The following ITM2C variants were observed in gnomAD, a reference collection of about 807,000 sequenced individuals.
ITM2C encodes the protein BRICHOS domain containing 2C.
In ITM2C, 20 loss-of-function variants were observed where a neutral mutation model predicts 30.0. The ratio of observed to expected loss-of-function variants is 0.67; its 90% CI spans 0.47 to 0.97. The LOEUF is 0.97. ITM2C is among the 50% of genes least tolerant of loss of function. The probability of loss-of-function intolerance (pLI) is 0.00; values close to 1 mark genes in which losing one functional copy is unlikely to be tolerated. For missense variants in ITM2C, 366 were observed against 371.9 expected, an observed-to-expected ratio of 0.98 and a Z score of 0.13; for synonymous variants, 167 against 156.4, an observed-to-expected ratio of 1.07 and a Z score of -0.51.
chr2:230,870,554 TCA>T (rs1189584360), intron 1 of ITM2C, among the ~76,000 whole-genome samples: 1 of 152,164 alleles, frequency 6.6e-6, no homozygotes, highest in African/African-American at 2.4e-5. Context: ...TCCCCAGCCT[TCA>T]CAGTGAGGGG....
At chr2:230,866,649 A>T (rs532925674) in intron 1 of ITM2C, among the ~76,000 whole-genome samples, 5 of 152,254 alleles carry the variant, frequency 3.3e-5, no homozygotes, top group Admixed American at 2.0e-4. Context: ...ATATTTGAAG[A>T]AGATGGTTCT....
In ITM2C at chr2:230,878,201, G is replaced by T; in HGVS notation, c.*102G>T. 3.9e-6 allele frequency: 3 copies of T among 768,112 alleles called. No individual in the cohort carries two copies. The highest frequency in any genetic ancestry group is 4.1e-6 in the Non-Finnish European group (2 of 492,006). 47.6% of individuals were successfully genotyped at this position (768,112 alleles called of 1,614,324 possible). ...CCTGCTTAGCTTGTACTTTGGACGCGTTTCTATAGAGGTGACATGTCTCTC... is the reference window on the plus strand; with the variant it reads ...CCTGCTTAGCTTGTACTTTGGACGCTTTTCTATAGAGGTGACATGTCTCTC... On this transcript the variant is annotated 3_prime_UTR_variant, in exon 6 of 6. Coordinates refer to ENST00000326427, the MANE Select transcript of ITM2C (RefSeq NM_030926.6). This position sits in a 1 kb window ranked among gnomAD's most constrained non-coding sequence, Gnocchi z 4.5.
chr2:230,868,952 G>T (rs1164742683), intron 1 of ITM2C, among the ~76,000 whole-genome samples: 1 of 152,240 alleles, frequency 6.6e-6, no homozygotes, highest in Non-Finnish European at 1.5e-5. Flanking sequence ...TGGCTTCTCT[G>T]CTTTCCTGCC....
chr2:230,875,906 C>A, intron 3 of ITM2C, 98 bp downstream of exon 3: 3 of 999,002 alleles, frequency 3.0e-6, no homozygotes, highest in African/African-American at 1.6e-5. Context: ...CGGAGTACAG[C>A]AGGTGTCTAC....
chr2:230,866,021 G>C (rs536061662), intron 1 of ITM2C, among the ~76,000 whole-genome samples: 95 of 145,654 alleles, frequency 6.5e-4, no homozygotes, highest in Non-Finnish European at 1.3e-3. Context: ...GGCCGGGGGG[G>C]AGAGAAGGCA....
chr2:230,873,600 T>A (rs1697221671), intron 2 of ITM2C, 43 bp downstream of exon 2: 1 of 1,568,332 alleles, frequency 6.4e-7, no homozygotes, highest in Non-Finnish European at 8.6e-7. Context: ...CGAGAAAGGG[T>A]CATGTCTAGA....
chr2:230,868,627 G>A (rs1023295281), intron 1 of ITM2C, among the ~76,000 whole-genome samples: 1 of 152,220 alleles, frequency 6.6e-6, no homozygotes, highest in Non-Finnish European at 1.5e-5. Flanking sequence ...TAATGGTCCT[G>A]TGTCACCCCC....
chr2:230,871,178 C>T (rs1039124074), intron 1 of ITM2C, among the ~76,000 whole-genome samples: 2 of 152,238 alleles, frequency 1.3e-5, no homozygotes, highest in Non-Finnish European at 2.9e-5. Flanking sequence ...CCCGCTGGGC[C>T]TGTAGCCCCA....
At chr2:230,871,255 T>C (rs902792579) in intron 1 of ITM2C, among the ~76,000 whole-genome samples, 1 of 152,262 alleles carries the variant, frequency 6.6e-6, no homozygotes, top group East Asian at 1.9e-4. Flanking sequence ...TCCCAGCTGC[T>C]GTAGGCAGCC....
intron 1 of ITM2C, among the ~76,000 whole-genome samples, chr2:230,866,237 C>A (rs1013944762): frequency 1.3e-5 from 2 of 152,226 alleles, no homozygotes; most frequent in African/African-American, 4.8e-5. Context: ...CTCCCCACCC[C>A]GCATTGAGGC....
intron 1 of ITM2C, among the ~76,000 whole-genome samples, chr2:230,870,686 C>G (rs1288387899): frequency 2.6e-5 from 4 of 152,188 alleles, no homozygotes; most frequent in Admixed American, 2.6e-4. Flanking sequence ...GTGGGGCCTC[C>G]GAGCCCAGCC....
At chr2:230,866,016 G>T (rs73992916) in intron 1 of ITM2C, among the ~76,000 whole-genome samples, 66 of 147,032 alleles carry the variant, frequency 4.5e-4, no homozygotes, top group African/African-American at 1.4e-3. Context: ...CCTCTGGCCG[G>T]GGGGGAGAGA....
rs954064671 is a variant in ITM2C, at chr2:230,878,421, T to C, written c.*322T>C. 4 of 204,660 alleles carry C rather than the reference T, an allele frequency of 2.0e-5. No homozygotes were observed. Among genetic ancestry groups the C allele is most frequent in the Admixed American group, 1.7e-4 (3 of 17,452 alleles). 12.7% of individuals were successfully genotyped at this position (204,660 alleles called of 1,614,324 possible). ...CCGGCAGCCCAAGGGGAAGGACCGG[T>C]TGGGGGAGCCGGGCATGTGAGGCCC... is the stretch of plus-strand genomic sequence containing the variant. On this transcript the variant is annotated 3_prime_UTR_variant, in exon 6 of 6. Transcript: ENST00000326427. This position sits in a 1 kb window ranked among gnomAD's most constrained non-coding sequence, Gnocchi z 4.5.
intron 2 of ITM2C, 102 bp downstream of exon 2, chr2:230,873,659 A>G (rs891974172): frequency 8.2e-7 from 1 of 1,226,458 alleles, no homozygotes; most frequent in Non-Finnish European, 1.1e-6. Flanking sequence ...AGCCCCAGAC[A>G]TGCCCTCAGG....
At chr2:230,876,638 C>G (rs557779899) in intron 3 of ITM2C, among the ~76,000 whole-genome samples, 7 of 152,192 alleles carry the variant, frequency 4.6e-5, no homozygotes, top group South Asian at 2.1e-4. Flanking sequence ...CCCACCACCA[C>G]GCCTGGCAAA....
upstream of ITM2C, chr2:230,864,811 T>TC: frequency 2.8e-6 from 1 of 354,396 alleles, no homozygotes; most frequent in Non-Finnish European, 4.5e-6. This position sits in a 1 kb window ranked among gnomAD's most constrained non-coding sequence, Gnocchi z 4.3. Flanking sequence ...CCGGCAGGGG[T>TC]CACTGCGGGC....
At chr2:230,873,282 AG>A in intron 1 of ITM2C, 134 bp from the exon 2 acceptor site, 1 of 811,562 alleles carries the variant, frequency 1.2e-6, no homozygotes, top group African/African-American at 1.7e-5. Context: ...TTTCCCTTCT[AG>A]GTGTCATCTC....
In ITM2C at chr2:230,865,420, G is replaced by A. The variant is rs1232082092; in HGVS notation, c.120+275G>A. 8.6e-6 allele frequency: 3 copies of A among 347,320 alleles called. No homozygotes were observed. Among genetic ancestry groups the A allele is most frequent in the African/African-American group, 6.3e-5 (3 of 47,282 alleles). The allele number at this position is 347,320 out of a possible 1,614,324, so 21.5% of individuals were successfully genotyped here. A position where few individuals can be genotyped will look rare whatever the true frequency, so the allele number is the denominator to read the frequency against. On this transcript the variant is annotated intron_variant, in intron 1 of 5. Coordinates refer to ENST00000326427, the MANE Select transcript of ITM2C (RefSeq NM_030926.6). This position sits in a 1 kb window ranked among gnomAD's most constrained non-coding sequence, Gnocchi z 6.8. Reference sequence around the variant, plus strand: ...GTGCTCGAGGTCTCTTCCAAAAGTGGGGGCCCCCTCGCCGCCTTATAGGGG... The same window carrying A: ...GTGCTCGAGGTCTCTTCCAAAAGTGAGGGCCCCCTCGCCGCCTTATAGGGG...
In ITM2C at chr2:230,873,453, G is replaced by C. The variant is rs2289235; in HGVS notation, c.157G>C (p.Gly53Arg). The change falls in exon 2 of 6, where the codon GGC becomes CGC. Residue 53 changes from glycine (G) to arginine (R), a missense_variant. Physicochemically the swap from Gly to Arg is moderately radical, Grantham distance 125. Transcript: ENST00000326427. ...CCCACAACATCGATCCAAGAGGGGGGGCTCAGTGGGCGGCGTGTGCTACCT... is the reference window on the plus strand; with the variant it reads ...CCCACAACATCGATCCAAGAGGGGGCGCTCAGTGGGCGGCGTGTGCTACCT... ...QPPQHRSKRG[G>R]SVGGVCYLSM... 3.7e-6 allele frequency: 6 copies of C among 1,604,646 alleles called. No homozygotes were observed. The highest frequency in any genetic ancestry group is 2.7e-5 in the African/African-American group (2 of 74,638).
Sources: allele counts gnomAD v4.1 joint callset (sites outside exome capture counted in the v4.1 genomes callset), GRCh38; gene constraint gnomAD v4.1.1; non-coding constraint Gnocchi (gnomAD v3.1); transcripts MANE v1.5; gene names NCBI Gene and HGNC (gene_info 2026-07-23, HGNC 2026-07-21).